Variants in NLGN1 observed in about 807,000 individuals in gnomAD.
NLGN1 encodes neuroligin-1.
A neutral mutation model predicts 65.5 loss-of-function variants in NLGN1; 12 were observed. That is an observed-to-expected ratio of 0.18 (90% CI 0.12 to 0.30). The LOEUF is 0.30. Ranked by LOEUF, NLGN1 falls within the 10% of genes least tolerant of loss-of-function variation. The pLI is 1.00. For missense variants in NLGN1, 750 were observed against 1,007.1 expected, an observed-to-expected ratio of 0.74 and a Z score of 3.46; for synonymous variants, 350 against 359.5, an observed-to-expected ratio of 0.97 and a Z score of 0.30.
chr3:173,848,224 T>C (rs1726190209), intron 4 of NLGN1, among the ~76,000 whole-genome samples: 1 of 152,190 alleles, frequency 6.6e-6, no homozygotes, highest in African/African-American at 2.4e-5. Context: ...CCTAGAGGAA[T>C]AGTTGGCACA....
chr3:174,205,479 A>G (rs1318963372), intron 4 of NLGN1, among the ~76,000 whole-genome samples: 1 of 152,168 alleles, frequency 6.6e-6, no homozygotes, highest in East Asian at 1.9e-4. Context: ...TTATTGCAGA[A>G]AAGAATATGC....
intron 4 of NLGN1, among the ~76,000 whole-genome samples, chr3:173,916,431 AATAG>A (rs1279421186): frequency 2.0e-5 from 3 of 152,190 alleles, no homozygotes; most frequent in Admixed American, 6.5e-5. Flanking sequence ...AGCTTAAGGA[AATAG>A]ATAGGAGAGG....
chr3:174,258,843 A>T (rs2152854842), intron 4 of NLGN1, among the ~76,000 whole-genome samples: 1 of 152,218 alleles, frequency 6.6e-6, no homozygotes, highest in Non-Finnish European at 1.5e-5. Context: ...GGAGAGGGAG[A>T]GAAAAGAAAG....
chr3:174,081,283 G>T lies in NLGN1; in HGVS notation c.647-194032G>T, dbSNP rs552768658. ...TAAATTATAGAAGCTTCCTTTCTTA[G>T]TCCATTTAGGCTGCTATAACAAAAT... On this transcript the variant is annotated intron_variant, in intron 4 of 6. Transcript: ENST00000457714. Among the ~76,000 whole-genome samples, 3 of 152,228 alleles carry T rather than the reference G, an allele frequency of 2.0e-5. No homozygotes were observed. The East Asian group carries it at 5.8e-4, about 29-fold the overall frequency.
intron 4 of NLGN1, among the ~76,000 whole-genome samples, chr3:173,850,168 T>A (rs1243783383): frequency 2.6e-5 from 4 of 152,174 alleles, no homozygotes; most frequent in Non-Finnish European, 5.9e-5. Context: ...CTTTCATTAA[T>A]ACATACTAAG....
chr3:173,571,452 C>G (rs1442115189), intron 2 of NLGN1, among the ~76,000 whole-genome samples: 1 of 152,170 alleles, frequency 6.6e-6, no homozygotes, highest in African/African-American at 2.4e-5. Flanking sequence ...ATGGAGGTGT[C>G]ACACTTTTTA....
intron 3 of NLGN1, among the ~76,000 whole-genome samples, chr3:173,680,195 A>C (rs2149781222): frequency 6.6e-6 from 1 of 152,232 alleles, no homozygotes; most frequent in South Asian, 2.1e-4. Context: ...AGTGGTATGG[A>C]TAGTGGAAGG....
chr3:173,535,055 C>T (rs555720452), intron 2 of NLGN1, among the ~76,000 whole-genome samples: 22 of 151,988 alleles, frequency 1.4e-4, no homozygotes, highest in Non-Finnish European at 3.1e-4. Context: ...TGAGAGTGCC[C>T]GTTTCAAAAA....
intron 3 of NLGN1, among the ~76,000 whole-genome samples, chr3:173,626,366 A>G (rs1160947955): frequency 1.3e-5 from 2 of 152,054 alleles, no homozygotes; most frequent in Non-Finnish European, 2.9e-5. Context: ...TGAATTTACA[A>G]GATAGTGGCT....
intron 4 of NLGN1, among the ~76,000 whole-genome samples, chr3:174,190,494 A>C (rs143109639): frequency 6.6e-6 from 1 of 152,178 alleles, no homozygotes; most frequent in East Asian, 1.9e-4. Context: ...TATTAGACTT[A>C]TTGTAAAAAT....
chr3:173,561,531 A>G (rs2149298876), intron 2 of NLGN1, among the ~76,000 whole-genome samples: 1 of 152,226 alleles, frequency 6.6e-6, no homozygotes, highest in East Asian at 1.9e-4. Context: ...AAACATAAGC[A>G]GCACAAAGAC....
At chr3:174,023,223 A>G (rs1560863935) in intron 4 of NLGN1, among the ~76,000 whole-genome samples, 3 of 152,134 alleles carry the variant, frequency 2.0e-5, no homozygotes, top group Non-Finnish European at 4.4e-5. Flanking sequence ...TCTACATGTA[A>G]CAACACCTCA....
chr3:174,145,131 T>C (rs1033080268), intron 4 of NLGN1, among the ~76,000 whole-genome samples: 1 of 152,166 alleles, frequency 6.6e-6, no homozygotes, highest in African/African-American at 2.4e-5. Flanking sequence ...GGCTAGCCAG[T>C]TTTCCCAACA....
chr3:173,923,085 A>G (rs968056910), intron 4 of NLGN1, among the ~76,000 whole-genome samples: 1 of 138,912 alleles, frequency 7.2e-6, no homozygotes, highest in Non-Finnish European at 1.5e-5. Flanking sequence ...TACAAAGCCA[A>G]AAGGTAAGAT....
chr3:173,429,066 AT>A lies in NLGN1; in HGVS notation c.-389-5938del, dbSNP rs538402633. ...TAAGTTTGCAATATTTTCTCTTACT[AT>A]TTTTTAAATAAGTTTTCTACACCTT... On this transcript the variant is annotated intron_variant, in intron 1 of 6. Coordinates refer to ENST00000457714, the Ensembl canonical transcript of NLGN1. 5.5e-4 allele frequency among the ~76,000 whole-genome samples: 83 copies of A among 152,030 alleles called. 1 individual carries two copies. In the East Asian group the frequency reaches 0.014, roughly 26 times the overall value.
intron 4 of NLGN1, among the ~76,000 whole-genome samples, chr3:174,149,128 C>A (rs988759260): frequency 6.6e-6 from 1 of 152,170 alleles, no homozygotes; most frequent in African/African-American, 2.4e-5. Flanking sequence ...ATCCAACAGG[C>A]ATGACTTCAT....
At chr3:173,983,971 A>G (rs114217535) in intron 4 of NLGN1, among the ~76,000 whole-genome samples, 2,304 of 152,296 alleles carry the variant, frequency 0.015, 28 homozygotes, top group Non-Finnish European at 0.026. Flanking sequence ...TGAATTTTTA[A>G]ACAAAAATTC....
intron 4 of NLGN1, among the ~76,000 whole-genome samples, chr3:174,151,286 T>C (rs1439430469): frequency 6.6e-6 from 1 of 152,136 alleles, no homozygotes; most frequent in East Asian, 1.9e-4. Context: ...AAAAGATGTT[T>C]ATTAGTGAAA....
chr3:174,209,453 C>T (rs1342020638), intron 4 of NLGN1, among the ~76,000 whole-genome samples: 1 of 152,022 alleles, frequency 6.6e-6, no homozygotes, highest in African/African-American at 2.4e-5. Context: ...TGGGTATCTC[C>T]ATCACACAGT....
Sources: allele counts gnomAD v4.1 joint callset (sites outside exome capture counted in the v4.1 genomes callset), GRCh38; gene constraint gnomAD v4.1.1; transcripts MANE v1.5; gene names NCBI Gene and HGNC (gene_info 2026-07-23, HGNC 2026-07-21).